RBFOX3: variants seen among roughly 807,000 people sequenced by gnomAD.
RBFOX3 encodes RNA binding fox-1 homolog 3.
Under a neutral mutation model 48.7 loss-of-function variants are expected in RBFOX3, and 17 were observed. The observed-to-expected ratio is 0.35, with a 90% CI of 0.24 to 0.52. The LOEUF (loss-of-function observed/expected upper bound fraction) is 0.52. Among genes scored for constraint, RBFOX3 ranks in the 20% least tolerant of loss-of-function variants. The pLI, the probability that RBFOX3 is intolerant of heterozygous loss-of-function variation, is 0.94. For synonymous variants in RBFOX3, 212 were observed against 209.5 expected (o/e 1.01, Z -0.10); for missense variants, 382 against 497.5 (o/e 0.77, Z 2.21).
intron 3 of RBFOX3, among the ~76,000 whole-genome samples, chr17:79,278,856 T>G (rs985461653): frequency 2.6e-5 from 4 of 152,138 alleles, no homozygotes; most frequent in African/African-American, 9.7e-5. Context: ...CAGTGACAGA[T>G]GAGGAAATGC....
Position 79,249,566 on chromosome 17 carries a change from G to A in RBFOX3, c.-73-13761C>T, listed in dbSNP as rs908848621. On this transcript the variant is annotated intron_variant, in intron 3 of 14. Transcript: ENST00000693108. This position sits in a 1 kb window ranked among gnomAD's most constrained non-coding sequence, Gnocchi z 4.1. Reference sequence around the variant, plus strand: ...GCCTCTATCGGGGTCCCATGCTCCCGGAGACTGTTTACCTGTCCTAATCAC... The same window carrying A: ...GCCTCTATCGGGGTCCCATGCTCCCAGAGACTGTTTACCTGTCCTAATCAC... 2.0e-5 allele frequency among the ~76,000 whole-genome samples: 3 copies of A among 151,922 alleles called. No homozygotes were observed. The highest frequency in any genetic ancestry group is 4.2e-4 in the South Asian group (2 of 4,806).
At chr17:79,621,391 G>A in the RBFOX3 span, among the ~76,000 whole-genome samples, 1 of 152,170 alleles carries the variant, frequency 6.6e-6, no homozygotes, top group African/African-American at 2.4e-5. Context: ...ATGGAGCCCT[G>A]AGCAACCCTG....
At position 79,477,873 on chromosome 17, in the gene RBFOX3, A is replaced by G. The variant is rs1045069413; in HGVS notation, c.-175+4581T>C. ...GTCTTCTCATTAAAATATTGGATCC[A>G]AGAAGGAAATAAGATGCCCCTGTAG... On this transcript the variant is annotated intron_variant, in intron 2 of 14. Transcript: ENST00000693108. The surrounding 1 kb of genome is among the most constrained non-coding windows in gnomAD (Gnocchi z 4.8). Among the ~76,000 whole-genome samples the G allele has an allele frequency of 1.4e-4, 21 of 152,330 alleles. No homozygotes were observed. Among genetic ancestry groups the G allele is most frequent in the Admixed American group, 9.8e-4 (15 of 15,298 alleles).
chr17:79,138,912 CCGCACA>C (rs1474162127), intron 4 of RBFOX3, among the ~76,000 whole-genome samples: 12 of 124,118 alleles, frequency 9.7e-5, no homozygotes, highest in East Asian at 2.3e-4. Flanking sequence ...ACACCCTCAC[CCGCACA>C]CGCACACAGC....
At chr17:79,399,271 G>A (rs1177497516) in intron 2 of RBFOX3, among the ~76,000 whole-genome samples, 1 of 152,176 alleles carries the variant, frequency 6.6e-6, no homozygotes, top group Admixed American at 6.5e-5. Context: ...CAGGAAATGC[G>A]TACCGTGGGT....
At chr17:79,620,899 A>G in the RBFOX3 span, among the ~76,000 whole-genome samples, 1 of 150,724 alleles carries the variant, frequency 6.6e-6, no homozygotes, top group Non-Finnish European at 1.5e-5. Flanking sequence ...GCCACATCAC[A>G]CCCGATCTCA....
chr17:79,429,653 T>C (rs1555727411), intron 2 of RBFOX3, among the ~76,000 whole-genome samples: 1 of 152,118 alleles, frequency 6.6e-6, no homozygotes, highest in Non-Finnish European at 1.5e-5. Flanking sequence ...GTTGAGAGGC[T>C]GACTCTAATT....
rs753787718 is a variant in RBFOX3 at position 79,480,389 on chromosome 17, C to T, written c.-175+2065G>A. 6.0e-3 allele frequency among the ~76,000 whole-genome samples: 915 copies of T among 152,286 alleles called. 1 individual carries two copies. The highest frequency in any genetic ancestry group is 0.011 in the Non-Finnish European group (750 of 68,010). On this transcript the variant is annotated intron_variant, in intron 2 of 14. Coordinates refer to ENST00000693108, the MANE Select transcript of RBFOX3 (RefSeq NM_001350451.2). This position sits in a 1 kb window ranked among gnomAD's most constrained non-coding sequence, Gnocchi z 4.8. The stretch of plus-strand genomic sequence containing the variant: ...GTGCGACAGTGGGCTCGCTCGTCAG[C>T]TGTCCCTTGCTTCCACTCTGTCCCC...
chr17:79,310,055 C>T (rs984792997), intron 2 of RBFOX3, among the ~76,000 whole-genome samples: 11 of 152,128 alleles, frequency 7.2e-5, no homozygotes, highest in African/African-American at 2.7e-4. Context: ...GTCTCCATAC[C>T]GGAGCAGGGC....
At chr17:79,413,313 T>C (rs1009218358) in intron 2 of RBFOX3, among the ~76,000 whole-genome samples, 1 of 152,198 alleles carries the variant, frequency 6.6e-6, no homozygotes, top group African/African-American at 2.4e-5. Flanking sequence ...CTCCAAATTA[T>C]CCCAAAGGCA....
chr17:79,655,048 C>T, the RBFOX3 span, among the ~76,000 whole-genome samples: 325 of 152,274 alleles, frequency 2.1e-3, no homozygotes, highest in Middle Eastern at 3.4e-3. Flanking sequence ...AGCTTCCCGA[C>T]GAGGCTGTTG....
intron 1 of RBFOX3, among the ~76,000 whole-genome samples, chr17:79,593,002 C>T (rs923085110): frequency 9.9e-5 from 15 of 152,230 alleles, no homozygotes; most frequent in Admixed American, 9.2e-4. Flanking sequence ...CAGCAACCAC[C>T]GGGTGAAAAG....
rs567622229 is a variant in RBFOX3 at position 79,421,965 on chromosome 17, G to A, written c.-175+60489C>T. On this transcript the variant is annotated intron_variant, in intron 2 of 14. Coordinates refer to ENST00000693108, the MANE Select transcript of RBFOX3 (RefSeq NM_001350451.2). This position sits in a 1 kb window ranked among gnomAD's most constrained non-coding sequence, Gnocchi z 4.5. ...TCAGCAGCTCCCAACAGAATTCTAG[G>A]TGCTGCCCGGACGAGATGAGGAGGG... 2.9e-4 allele frequency among the ~76,000 whole-genome samples: 44 copies of A among 152,206 alleles called. No individual in the cohort carries two copies. The South Asian group carries it at 5.6e-3, about 19-fold the overall frequency.
At chr17:79,244,327 G>A (rs2148080599) in intron 3 of RBFOX3, among the ~76,000 whole-genome samples, 1 of 152,220 alleles carries the variant, frequency 6.6e-6, no homozygotes, top group East Asian at 1.9e-4. Context: ...GACAAGGAAG[G>A]AACCTGCCCA....
chr17:79,345,153 C>T (rs1005284764), intron 2 of RBFOX3, among the ~76,000 whole-genome samples: 1 of 152,246 alleles, frequency 6.6e-6, no homozygotes, highest in South Asian at 2.1e-4. Flanking sequence ...TCTTCTTCAA[C>T]AGCAGTGTTC....
chr17:79,326,609 C>A (rs374995165), intron 2 of RBFOX3, among the ~76,000 whole-genome samples: 1 of 152,318 alleles, frequency 6.6e-6, no homozygotes, highest in South Asian at 2.1e-4. Flanking sequence ...CTCTAGACAA[C>A]CCGCAGGCAC....
At chr17:79,174,320 GCACA>G (rs112373759) in intron 4 of RBFOX3, among the ~76,000 whole-genome samples, 2,097 of 148,330 alleles carry the variant, frequency 0.014, 59 homozygotes, top group African/African-American at 0.049. Context: ...TCACTCACAT[GCACA>G]CAGACACACG....
intron 6 of RBFOX3, among the ~76,000 whole-genome samples, chr17:79,104,873 G>A (rs891159573): frequency 6.4e-4 from 98 of 152,218 alleles, no homozygotes; most frequent in African/African-American, 1.6e-3. Context: ...CCAGGCCCCC[G>A]GGACCCTGCA....
rs1167304088 is a variant in RBFOX3, at chr17:79,496,166, A to G, written c.-319-13568T>C. Among the ~76,000 whole-genome samples the G allele has an allele frequency of 1.5e-4, 23 of 151,924 alleles. 1 individual carries two copies. The highest frequency in any genetic ancestry group is 1.5e-3 in the Admixed American group (23 of 15,262). On this transcript the variant is annotated intron_variant, in intron 1 of 14. Transcript: ENST00000693108. ...GGGCTGGAGGCCAGGGCTACTGGTG[A>G]CCTGAGGGCTTCCGGGAGTTCAGAG...
Sources: allele counts gnomAD v4.1 joint callset (sites outside exome capture counted in the v4.1 genomes callset), GRCh38; gene constraint gnomAD v4.1.1; non-coding constraint Gnocchi (gnomAD v3.1); transcripts MANE v1.5; gene names NCBI Gene and HGNC (gene_info 2026-07-23, HGNC 2026-07-21).